The following ARMCX4 variants were observed in gnomAD, a reference collection of about 807,000 sequenced individuals.
ARMCX4 encodes armadillo repeat containing X-linked 4.
Under a neutral mutation model 34.7 loss-of-function variants are expected in ARMCX4, and 3 were observed. The ratio of observed to expected loss-of-function variants is 0.09; its 90% confidence interval spans 0.04 to 0.22. The LOEUF is 0.22. Among genes scored for constraint, ARMCX4 ranks in the 10% least tolerant of loss-of-function variants. ARMCX4 has a pLI of 1.00. For synonymous variants in ARMCX4, 513 were observed against 632.8 expected, an observed-to-expected ratio of 0.81 and a Z score of 2.84; for missense variants, 1,448 against 1,720.8, an observed-to-expected ratio of 0.84 and a Z score of 2.81.
chrX:101,419,504 G>T (rs1555989680), intron 2 of ARMCX4, among the ~76,000 whole-genome samples: 1 of 112,201 alleles, frequency 8.9e-6, no homozygotes, highest in Non-Finnish European at 1.9e-5. Flanking sequence ...AATAAGTAAA[G>T]AGTAGTGGGG....
At chrX:101,483,583 C>A (rs782807756), upstream of ARMCX4, among the ~76,000 whole-genome samples, 154 of 111,142 alleles carry the variant, frequency 1.4e-3, 1 homozygote, top group Middle Eastern at 4.8e-3. Context: ...CAAATCTGTT[C>A]ATGTCTTTTG....
intron 2 of ARMCX4, among the ~76,000 whole-genome samples, chrX:101,434,907 G>A (rs1258621273): frequency 9.2e-6 from 1 of 109,046 alleles, no homozygotes; most frequent in Non-Finnish European, 1.9e-5. Flanking sequence ...TTGTCCTTGC[G>A]ATAGTTTGCT....
chrX:101,469,251 C>A (rs1430191168), intron 4 of ARMCX4, among the ~76,000 whole-genome samples: 2 of 112,200 alleles, frequency 1.8e-5, no homozygotes, highest in Non-Finnish European at 3.8e-5. Context: ...ATAATTTTTG[C>A]AGCATTGTTT....
intron 4 of ARMCX4, among the ~76,000 whole-genome samples, chrX:101,453,849 C>A (rs6621070): frequency 0.49 from 53,837 of 109,267 alleles, 10,715 homozygotes; most frequent in Non-Finnish European, 0.62. Flanking sequence ...TGAGCAATGG[C>A]AGCCTAGAAG....
chrX:101,432,161 T>C (rs1157915508), intron 2 of ARMCX4, among the ~76,000 whole-genome samples: 3 of 112,083 alleles, frequency 2.7e-5, no homozygotes, highest in African/African-American at 6.5e-5. Context: ...ATTCTCCCTT[T>C]TATGGCTGTA....
chrX:101,463,958 A>G (rs781920711), intron 4 of ARMCX4, among the ~76,000 whole-genome samples: 1 of 110,304 alleles, frequency 9.1e-6, no homozygotes, highest in Non-Finnish European at 1.9e-5. Context: ...AGGTTTCGCC[A>G]TGTTGCCCCG....
chrX:101,458,517 C>CTT (rs1297100721), intron 4 of ARMCX4, among the ~76,000 whole-genome samples: 2 of 103,088 alleles, frequency 1.9e-5, no homozygotes, highest in African/African-American at 3.5e-5. Context: ...TATCCCCCCC[C>CTT]TTTTTTTTTT....
rs1349365203 is a variant in ARMCX4 at position 101,435,964 on chromosome X, C to T, written n.165-8088C>T. On this transcript the variant is annotated intron_variant and non_coding_transcript_variant, in intron 2 of 3. Coordinates refer to the ARMCX4 transcript ENST00000430461. ...AGATCAGATAGTTGTAGATATGTGG[C>T]GTTATTTCTGAGGGTTCTGTTCTGT... is the stretch of plus-strand genomic sequence containing the variant. Among the ~76,000 whole-genome samples, 303 of 111,038 alleles carry T rather than the reference C, an allele frequency of 2.7e-3. 2 individuals carry two copies. The highest frequency in any genetic ancestry group is 7.1e-3 in the African/African-American group (216 of 30,577).
chrX:101,450,839 C>T (rs1931934446), downstream of ARMCX4, among the ~76,000 whole-genome samples: 5 of 111,298 alleles, frequency 4.5e-5, no homozygotes, highest in Admixed American at 1.9e-4. Flanking sequence ...TTTTGGCCCA[C>T]AGTGTGTATA....
chrX:101,530,232 G>A (rs1935095097), intron 11 of ARMCX4, among the ~76,000 whole-genome samples: 1 of 111,624 alleles, frequency 9.0e-6, no homozygotes, highest in Non-Finnish European at 1.9e-5. Context: ...ATTATCACAA[G>A]GACAGAAAAC....
chrX:101,525,129 T>C (rs1259621938), intron 11 of ARMCX4, among the ~76,000 whole-genome samples: 3 of 111,631 alleles, frequency 2.7e-5, no homozygotes, highest in Admixed American at 9.5e-5. Flanking sequence ...CATTTGCTGT[T>C]CTGCAATATT....
At chrX:101,477,782 A>G (rs1466664381) in intron 4 of ARMCX4, among the ~76,000 whole-genome samples, 1 of 111,909 alleles carries the variant, frequency 8.9e-6, no homozygotes, top group Non-Finnish European at 1.9e-5. Flanking sequence ...CCAGCAGTTT[A>G]TTAAAAAAAA....
At chrX:101,425,305 G>A (rs12557568) in intron 2 of ARMCX4, among the ~76,000 whole-genome samples, 68 of 111,410 alleles carry the variant, frequency 6.1e-4, no homozygotes, top group Middle Eastern at 9.4e-3. Context: ...AGGCATTGGT[G>A]TCCTGGATGG....
At chrX:101,434,022 T>G (rs1930503463) in intron 2 of ARMCX4, among the ~76,000 whole-genome samples, 1 of 108,704 alleles carries the variant, frequency 9.2e-6, no homozygotes, top group East Asian at 2.9e-4. Flanking sequence ...CTTGGCTCAC[T>G]GCAACCTCTG....
chrX:101,483,710 A>G (rs1556005900), upstream of ARMCX4, among the ~76,000 whole-genome samples: 1 of 110,743 alleles, frequency 9.0e-6, no homozygotes, highest in Non-Finnish European at 1.9e-5. Context: ...TTACTTTACC[A>G]AAGTTTAAAA....
At chrX:101,459,281 G>T (rs782415629) in intron 4 of ARMCX4, among the ~76,000 whole-genome samples, 1 of 112,064 alleles carries the variant, frequency 8.9e-6, no homozygotes, top group South Asian at 3.7e-4. Flanking sequence ...ACTACCTTCA[G>T]ATCTTCTCTT....
chrX:101,437,032 C>G (rs1555995017), intron 2 of ARMCX4, among the ~76,000 whole-genome samples: 1 of 111,885 alleles, frequency 8.9e-6, no homozygotes, highest in Non-Finnish European at 1.9e-5. Flanking sequence ...TGATGTGCTG[C>G]TGGATTCAGT....
intron 11 of ARMCX4, among the ~76,000 whole-genome samples, chrX:101,523,885 T>C (rs1218500053): frequency 1.8e-5 from 2 of 111,354 alleles, no homozygotes; most frequent in Non-Finnish European, 3.8e-5. Flanking sequence ...AGTGTATAAA[T>C]ATAAATTATT....
downstream of ARMCX4, among the ~76,000 whole-genome samples, chrX:101,497,259 C>G (rs1219929684): frequency 9.2e-6 from 1 of 109,086 alleles, no homozygotes; most frequent in African/African-American, 3.3e-5. Flanking sequence ...TGTTTTAAGA[C>G]GGAGTCTCCC....
Sources: allele counts gnomAD v4.1 joint callset (sites outside exome capture counted in the v4.1 genomes callset), GRCh38; gene constraint gnomAD v4.1.1; transcripts MANE v1.5; gene names NCBI Gene and HGNC (gene_info 2026-07-23, HGNC 2026-07-21).